RAI14: variants seen among roughly 807,000 people sequenced by gnomAD.
RAI14 encodes retinoic acid induced 14.
In RAI14, 45 loss-of-function variants were observed where a neutral mutation model predicts 115.4. The ratio of observed to expected loss-of-function variants is 0.39; its 90% CI spans 0.31 to 0.50. The LOEUF (loss-of-function observed/expected upper bound fraction) is 0.50, where lower values mean the gene tolerates loss of function less well. Among genes scored for constraint, RAI14 ranks in the 20% least tolerant of loss-of-function variants. The pLI, the probability that RAI14 is intolerant of heterozygous loss-of-function variation, is 0.85. For missense variants in RAI14, 939 were observed against 1,131.2 expected, an observed-to-expected ratio of 0.83 and a Z score of 2.44; for synonymous variants, 371 against 415.4, an observed-to-expected ratio of 0.89 and a Z score of 1.30.
Position 34,696,793 on chromosome 5 carries a change from A to C in RAI14, c.36+9838A>C, listed in dbSNP as rs1044999292. ...TGTCCTATTGGTAGAAGTCTGTTGC[A>C]GCATGCTGCTGTAGGTGAAGTTAAA... On this transcript the variant is annotated intron_variant, in intron 2 of 17. Transcript: ENST00000265109. Among the ~76,000 whole-genome samples the C allele has an allele frequency of 2.6e-5, 4 of 152,356 alleles. No homozygotes were observed. The South Asian group carries it at 8.3e-4, about 32-fold the overall frequency.
chr5:34,787,178 C>CT (rs1580259418), intron 3 of RAI14, among the ~76,000 whole-genome samples: 2 of 152,194 alleles, frequency 1.3e-5, no homozygotes, highest in East Asian at 1.9e-4. Context: ...GAGATTTTAT[C>CT]AGTTTTGGGG....
At chr5:34,824,661 C>T (rs1380056144) in intron 15 of RAI14, among the ~76,000 whole-genome samples, 170 bp downstream of exon 15, 1 of 152,066 alleles carries the variant, frequency 6.6e-6, no homozygotes, top group African/African-American at 2.4e-5. Flanking sequence ...TTTGTTGGGT[C>T]GGCCGGACGT....
intron 1 of RAI14, among the ~76,000 whole-genome samples, chr5:34,681,498 A>T (rs1744376219): frequency 6.6e-6 from 1 of 151,910 alleles, no homozygotes; most frequent in South Asian, 2.1e-4. Context: ...ATGGAATATT[A>T]TTATTATTTT....
chr5:34,758,745 C>T (rs1206616788), intron 3 of RAI14, among the ~76,000 whole-genome samples: 3 of 152,196 alleles, frequency 2.0e-5, no homozygotes, highest in Admixed American at 2.0e-4. Flanking sequence ...TATTGAAACA[C>T]AGCCATACCC....
intron 3 of RAI14, among the ~76,000 whole-genome samples, chr5:34,773,367 A>G (rs1168507687): frequency 6.6e-6 from 1 of 152,202 alleles, no homozygotes; most frequent in Non-Finnish European, 1.5e-5. Flanking sequence ...TTTCATTGCT[A>G]AGACCTCAAA....
chr5:34,700,910 A>G (rs1038874131), intron 2 of RAI14, among the ~76,000 whole-genome samples: 1 of 152,166 alleles, frequency 6.6e-6, no homozygotes, highest in African/African-American at 2.4e-5. Context: ...TTGGGCAGAA[A>G]ATTACCTAAA....
In RAI14 at chr5:34,823,821, A is replaced by G. The variant is rs766058077; in HGVS notation, c.1979A>G (p.Glu660Gly). Residue 660 changes from glutamate (E) to glycine (G), a missense_variant, in exon 15 of 18, where the codon GAG becomes GGG. Coordinates refer to ENST00000265109, the MANE Select transcript of RAI14 (RefSeq NM_015577.3). The surrounding 1 kb of genome is among the most constrained non-coding windows in gnomAD (Gnocchi z 4.5). ...QLYKEAQAEL[E>G]DYRKRKSLED... Reference sequence around the variant, plus strand: ...TACAAAGAAGCCCAGGCTGAGCTGGAGGATTACAGGAAGAGGAAATCTCTA... The same window carrying G: ...TACAAAGAAGCCCAGGCTGAGCTGGGGGATTACAGGAAGAGGAAATCTCTA... 15 of 1,614,024 alleles carry G rather than the reference A, an allele frequency of 9.3e-6. No homozygotes were observed. The highest frequency in any genetic ancestry group is 2.2e-5 in the East Asian group (1 of 44,890).
At chr5:34,662,309 C>T (rs1054626843) in intron 1 of RAI14, among the ~76,000 whole-genome samples, 9 of 152,168 alleles carry the variant, frequency 5.9e-5, no homozygotes, top group Admixed American at 2.6e-4. Context: ...ATTGCCACAT[C>T]GTACAGTCCT....
At chr5:34,821,584 A>T in intron 13 of RAI14, 148 bp from the exon 14 acceptor site, 1 of 564,808 alleles carries the variant, frequency 1.8e-6, no homozygotes, top group South Asian at 2.2e-5. Flanking sequence ...ATAAAATGAA[A>T]ATTTTAGTTC....
At chr5:34,741,782 A>T (rs1349507570) in intron 2 of RAI14, among the ~76,000 whole-genome samples, 1 of 152,214 alleles carries the variant, frequency 6.6e-6, no homozygotes, top group Admixed American at 6.5e-5. Context: ...AGCAGTGGAC[A>T]AGAGTACATC....
At chr5:34,724,714 G>A (rs1743227210) in intron 2 of RAI14, among the ~76,000 whole-genome samples, 1 of 152,142 alleles carries the variant, frequency 6.6e-6, no homozygotes, top group Admixed American at 6.5e-5. Context: ...GCATTGCCTT[G>A]GTGTCTTAAC....
At chr5:34,772,313 T>C (rs1028714482) in intron 3 of RAI14, among the ~76,000 whole-genome samples, 4 of 152,226 alleles carry the variant, frequency 2.6e-5, no homozygotes, top group Non-Finnish European at 5.9e-5. Context: ...AAATTACTTG[T>C]AATTTCTGGG....
chr5:34,745,282 G>C (rs1208388470), intron 2 of RAI14, among the ~76,000 whole-genome samples: 1 of 152,084 alleles, frequency 6.6e-6, no homozygotes, highest in African/African-American at 2.4e-5. Context: ...TTGTCATAAG[G>C]CTTGACTCAT....
At chr5:34,661,602 T>C (rs1323628876) in intron 1 of RAI14, among the ~76,000 whole-genome samples, 1 of 152,188 alleles carries the variant, frequency 6.6e-6, no homozygotes, top group Non-Finnish European at 1.5e-5. Flanking sequence ...TATAAGCCAC[T>C]TAATGTCTTC....
At chr5:34,731,833 T>C (rs1744223276) in intron 2 of RAI14, among the ~76,000 whole-genome samples, 4 of 152,380 alleles carry the variant, frequency 2.6e-5, no homozygotes, top group Admixed American at 2.0e-4. Flanking sequence ...TTTACACTTA[T>C]TCAAAGCAAG....
At chr5:34,807,436 T>C (rs968506388) in intron 5 of RAI14, among the ~76,000 whole-genome samples, 4 of 151,784 alleles carry the variant, frequency 2.6e-5, no homozygotes, top group Non-Finnish European at 2.9e-5. Flanking sequence ...GGACTGCATG[T>C]GGGTAATCCT....
intron 2 of RAI14, among the ~76,000 whole-genome samples, chr5:34,752,350 A>G (rs2150075503): frequency 6.6e-6 from 1 of 152,300 alleles, no homozygotes; most frequent in Middle Eastern, 3.4e-3. Flanking sequence ...TCAGCAGCAA[A>G]TACTGAGCAC....
rs1757954256 is a variant in RAI14 at position 34,830,697 on chromosome 5, G to T, written c.2875G>T (p.Asp959Tyr). 6.2e-7 allele frequency: 1 copy of T among 1,614,112 alleles called. No homozygotes were observed. The change falls in exon 18 of 18, where the codon GAT (aspartate) becomes TAT (tyrosine). Residue 959 changes from aspartate (D) to tyrosine (Y), a missense_variant. Transcript: ENST00000265109. Reference protein sequence around the residue: ...HLLYAVQGQMDEDVQKVLKQI... With the variant: ...HLLYAVQGQMYEDVQKVLKQI... The stretch of plus-strand genomic sequence containing the variant: ...TGTTTGAATATCCTAGGGCCAGATG[G>T]ATGAAGATGTCCAGAAAGTACTGAA...
chr5:34,802,045 A>G (rs1754333651), intron 4 of RAI14, among the ~76,000 whole-genome samples: 1 of 152,092 alleles, frequency 6.6e-6, no homozygotes, highest in African/African-American at 2.4e-5. Context: ...GCCTGGGCTC[A>G]GAAAAAAAAA....
Sources: gnomAD v4.1 joint callset for allele counts (sites outside exome capture counted in the v4.1 genomes callset) on GRCh38, gnomAD v4.1.1 for gene constraint, Gnocchi (gnomAD v3.1) non-coding constraint, MANE v1.5 for transcripts, NCBI Gene and HGNC (gene_info 2026-07-23, HGNC 2026-07-21) for gene names.